Variants in CCNC observed in about 807,000 individuals in gnomAD.
CCNC encodes the protein cyclin-C.
A neutral mutation model predicts 50.0 loss-of-function variants in CCNC; 19 were observed. The observed-to-expected ratio is 0.38, with a 90% confidence interval of 0.27 to 0.56. The LOEUF is 0.56. Among genes scored for constraint, CCNC ranks in the 20% least tolerant of loss-of-function variants. The pLI, the probability that CCNC is intolerant of heterozygous loss-of-function variation, is 0.72. For missense variants in CCNC, 200 were observed against 327.1 expected (o/e 0.61, Z 3.00); for synonymous variants, 93 against 103.7 (o/e 0.90, Z 0.63).
At chr6:99,553,519 A>C (rs1351531548) in intron 5 of CCNC, among the ~76,000 whole-genome samples, 2 of 151,876 alleles carry the variant, frequency 1.3e-5, no homozygotes, top group Non-Finnish European at 2.9e-5. Context: ...CCTCCTCTCT[A>C]TTGTTTGTCT....
chr6:99,544,327 C>T, intron 11 of CCNC: 1 of 1,512,392 alleles, frequency 6.6e-7, no homozygotes. Context: ...TAAACAGCTC[C>T]TTGAATAAAG....
rs138631542 is a variant in CCNC, at chr6:99,557,009, A to G, written c.346+1488T>C. Among the ~76,000 whole-genome samples, 36 of 152,322 alleles carry G rather than the reference A, an allele frequency of 2.4e-4. No individual in the cohort carries two copies. The East Asian group carries it at 6.8e-3, about 29-fold the overall frequency. On this transcript the variant is annotated intron_variant, in intron 5 of 11. Transcript: ENST00000520429. ...GCCCTCTATTAGCTGAAATTAGGTA[A>G]GGAGTTTTCCCCACTATTTCCTTAC... is the stretch of plus-strand genomic sequence containing the variant.
intron 9 of CCNC, among the ~76,000 whole-genome samples, chr6:99,547,722 C>T (rs1424635434): frequency 6.6e-6 from 1 of 152,122 alleles, no homozygotes; most frequent in Admixed American, 6.5e-5. Context: ...CCAAATGTCC[C>T]CTCGGGGCAA....
intron 5 of CCNC, among the ~76,000 whole-genome samples, chr6:99,556,812 C>T (rs62432349): frequency 0.14 from 21,647 of 152,126 alleles, 1,836 homozygotes; most frequent in Middle Eastern, 0.24. Flanking sequence ...TCCCAGCTAC[C>T]AGGGAGGATG....
Position 99,568,280 on chromosome 6 carries a change from T to TC in CCNC, c.32+215dup, listed in dbSNP as rs1668766158. ...GGGAGACGAAACTCTCTCCCACCCC[T>TC]CCCCCTCACAGATCCTTCCCTCCCC... On this transcript the variant is annotated intron_variant, in intron 1 of 11. Coordinates refer to ENST00000520429, the MANE Select transcript of CCNC (RefSeq NM_005190.4). 8.7e-6 allele frequency: 5 copies of TC among 577,754 alleles called. No homozygotes were observed. The East Asian group carries it at 1.4e-4, about 17-fold the overall frequency. The allele number at this position is 577,754 out of a possible 1,614,324, so 35.8% of individuals were successfully genotyped here. A position where few individuals can be genotyped will look rare whatever the true frequency, so the allele number is the denominator to read the frequency against.
At chr6:99,544,285 G>A in intron 11 of CCNC, 1 of 1,534,588 alleles carries the variant, frequency 6.5e-7, no homozygotes. Context: ...TGCAAAAAAT[G>A]CATCCAAAGG....
At chr6:99,555,913 G>A (rs558541627) in intron 5 of CCNC, among the ~76,000 whole-genome samples, 1 of 151,866 alleles carries the variant, frequency 6.6e-6, no homozygotes, top group South Asian at 2.1e-4. Flanking sequence ...CAACCCCCAG[G>A]CAAAAAAACC....
chr6:99,545,018 T>G, intron 11 of CCNC, 94 bp downstream of exon 11: 1 of 637,676 alleles, frequency 1.6e-6, no homozygotes. Flanking sequence ...TTGGAAGAAA[T>G]GTTTTAAAAA....
chr6:99,546,954 A>G (rs944842504), intron 9 of CCNC, among the ~76,000 whole-genome samples: 3 of 152,234 alleles, frequency 2.0e-5, no homozygotes, highest in African/African-American at 4.8e-5. Context: ...TTATTAGCAC[A>G]TGATCAAGTT....
chr6:99,563,161 T>C (rs1423799171), intron 1 of CCNC, among the ~76,000 whole-genome samples: 1 of 152,226 alleles, frequency 6.6e-6, no homozygotes, highest in East Asian at 1.9e-4. Context: ...CTTTTCCTTC[T>C]TCCTCCTTAG....
intron 11 of CCNC, chr6:99,543,928 GCTT>G: frequency 8.0e-7 from 1 of 1,257,186 alleles, no homozygotes; most frequent in Non-Finnish European, 1.0e-6. Context: ...AGAGATTACA[GCTT>G]CTTCTAAACA....
chr6:99,544,214 G>C, intron 11 of CCNC: 1 of 1,534,064 alleles, frequency 6.5e-7, no homozygotes. Context: ...GCCTTATCTT[G>C]TCCACCATCA....
intron 9 of CCNC, among the ~76,000 whole-genome samples, chr6:99,548,727 C>G (rs1393299277): frequency 1.3e-5 from 2 of 148,424 alleles, no homozygotes; most frequent in Non-Finnish European, 3.0e-5. Flanking sequence ...CGCTTGAACC[C>G]AGGAGGCAGA....
intron 1 of CCNC, among the ~76,000 whole-genome samples, chr6:99,564,052 G>C (rs552263060): frequency 6.6e-6 from 1 of 152,170 alleles, no homozygotes; most frequent in South Asian, 2.1e-4. Flanking sequence ...GTAACTTATT[G>C]ATACACATTG....
chr6:99,565,348 A>G (rs73760094), intron 1 of CCNC, among the ~76,000 whole-genome samples: 2,354 of 152,100 alleles, frequency 0.015, 53 homozygotes, highest in African/African-American at 0.05. Flanking sequence ...CAGGTTCTGT[A>G]TATTTCTTTA....
intron 1 of CCNC, among the ~76,000 whole-genome samples, chr6:99,564,116 T>C (rs565639544): frequency 3.3e-5 from 5 of 152,302 alleles, no homozygotes; most frequent in Non-Finnish European, 5.9e-5. Context: ...TAACAGTTCA[T>C]GAGTGAATCT....
intron 2 of CCNC, 70 bp from the exon 3 acceptor site, chr6:99,561,751 C>G: frequency 1.1e-6 from 1 of 935,996 alleles, no homozygotes; most frequent in Non-Finnish European, 1.7e-6. Context: ...TGAACAGTAA[C>G]TTCCATGTGG....
At chr6:99,555,082 A>G (rs562025906) in intron 5 of CCNC, among the ~76,000 whole-genome samples, 1 of 152,174 alleles carries the variant, frequency 6.6e-6, no homozygotes, top group Non-Finnish European at 1.5e-5. Context: ...TTTAATTCCC[A>G]TATACATGTA....
intron 5 of CCNC, 111 bp from the exon 6 acceptor site, chr6:99,552,006 G>C: frequency 1.5e-6 from 1 of 660,132 alleles, no homozygotes; most frequent in Non-Finnish European, 2.2e-6. Context: ...TTTTCAGTAG[G>C]AATTCTTGGC....
Sources: allele counts gnomAD v4.1 joint callset (sites outside exome capture counted in the v4.1 genomes callset), GRCh38; gene constraint gnomAD v4.1.1; transcripts MANE v1.5; gene names NCBI Gene and HGNC (gene_info 2026-07-23, HGNC 2026-07-21).